The following UNC45A variants were observed in gnomAD, a reference collection of about 807,000 sequenced individuals.
The protein encoded by UNC45A is unc-45 myosin chaperone A.
Under a neutral mutation model 103.2 loss-of-function variants are expected in UNC45A, and 78 were observed. The observed-to-expected ratio is 0.76, with a 90% CI of 0.63 to 0.91. The LOEUF (loss-of-function observed/expected upper bound fraction) is 0.91, where lower values mean the gene tolerates loss of function less well. Ranked by LOEUF, UNC45A falls within the 40% of genes least tolerant of loss-of-function variation. The pLI is 0.00. For synonymous variants in UNC45A, 495 were observed against 504.6 expected (o/e 0.98, Z 0.25); for missense variants, 1,193 against 1,224.8 (o/e 0.97, Z 0.39).
chr15:90,939,886 C>A, intron 5 of UNC45A, 63 bp downstream of exon 5: 1 of 1,375,762 alleles, frequency 7.3e-7, no homozygotes, highest in Non-Finnish European at 9.5e-7. Flanking sequence ...CATAGGCCCC[C>A]GAAGCCACTG....
rs1023663434 is a variant in UNC45A at position 90,953,929 on chromosome 15, G to C, written c.*213G>C. On this transcript the variant is annotated 3_prime_UTR_variant, in exon 20 of 20. Coordinates refer to ENST00000418476, the MANE Select transcript of UNC45A (RefSeq NM_018671.5). ...AGCACTGCCTGCAGCCTCACTCAGA[G>C]GGGCCCTTTTTCTGTACTACTGTAG... is the stretch of plus-strand genomic sequence containing the variant. The C allele has an allele frequency of 4.5e-6, 3 of 662,676 alleles. No individual in the cohort carries two copies. In the Admixed American group the frequency reaches 8.9e-5, roughly 20 times the overall value. The allele number at this position is 662,676 out of a possible 1,614,324, so 41.0% of individuals were successfully genotyped here.
Position 90,943,121 on chromosome 15 carries a change from G to A in UNC45A, c.1027+39G>A, listed in dbSNP as rs188593156. The A allele has an allele frequency of 7.1e-5, 112 of 1,569,848 alleles. 2 individuals are homozygous for A. The Admixed American group carries it at 1.7e-3, about 24-fold the overall frequency. ...TTCACAAAAACTTGCTTCAGCAGCT[G>A]AAGTTTGTTTATTCTTAGGAGTAAT... On this transcript the variant is annotated intron_variant, in intron 8 of 19. Transcript: ENST00000418476.
intron 17 of UNC45A, 37 bp downstream of exon 17, chr15:90,950,652 A>G (rs760959659): frequency 6.2e-7 from 1 of 1,600,466 alleles, no homozygotes; most frequent in Non-Finnish European, 8.5e-7. Flanking sequence ...TGGACCAGGC[A>G]TCGGGATTCG....
intron 5 of UNC45A, 127 bp downstream of exon 5, chr15:90,939,950 T>A (rs917471858): frequency 1.2e-6 from 1 of 843,478 alleles, no homozygotes; most frequent in African/African-American, 1.7e-5. Context: ...GGGGCCTGGA[T>A]GGGAGCTCTG....
Position 90,940,353 on chromosome 15 carries a change from G to C in UNC45A, c.567G>C (p.Glu189Asp). The C allele has an allele frequency of 6.2e-7, 1 of 1,613,940 alleles. No homozygotes were observed. The highest frequency in any genetic ancestry group is 8.5e-7 in the Non-Finnish European group (1 of 1,179,966). Residue 189 changes from glutamate to aspartate, a missense_variant, in exon 6 of 20, where the codon GAG becomes GAC. Transcript: ENST00000418476. Reference protein sequence around the residue: ...VVLAREDAGAEKIFRSNGVQL... With the variant: ...VVLAREDAGADKIFRSNGVQL... The stretch of plus-strand genomic sequence containing the variant: ...TGGCCAGGGAGGATGCTGGAGCGGA[G>C]AAGATCTTCCGGAGTAATGGGGTTC...
chr15:90,948,001 G>C, intron 11 of UNC45A, 111 bp downstream of exon 11: 1 of 1,495,904 alleles, frequency 6.7e-7, no homozygotes, highest in Non-Finnish European at 9.2e-7. Flanking sequence ...CTCAGGCAGG[G>C]GCTGCAGTCT....
Position 90,936,367 on chromosome 15 carries a change from T to A in UNC45A, c.333T>A (p.Ala111=). ...AGAAGCTGGGCCGCCTGGACCAGGC[T>A]GTCCTTGACCTGCAGAGATGTGTGA... is the stretch of plus-strand genomic sequence containing the variant. ...ALEKLGRLDQ[A]VLDLQRCVSL... is the part of the protein sequence containing the mutation. The change falls in exon 4 of 20, where the codon GCT becomes GCA. Residue 111 remains alanine (A), a synonymous_variant. Coordinates refer to ENST00000418476, the MANE Select transcript of UNC45A (RefSeq NM_018671.5). 1 of 1,614,256 alleles carries A rather than the reference T, an allele frequency of 6.2e-7. No individual in the cohort carries two copies. The highest frequency in any genetic ancestry group is 8.5e-7 in the Non-Finnish European group (1 of 1,180,052).
At chr15:90,948,875 C>CT (rs5814443) in intron 13 of UNC45A, 81 bp downstream of exon 13, 90,470 of 972,992 alleles carry the variant, frequency 0.093, 6 homozygotes, top group Non-Finnish European at 0.1. Context: ...AACAACCTCC[C>CT]TTTTTTTTTT....
chr15:90,946,556 G>A, intron 9 of UNC45A, 58 bp from the exon 10 acceptor site: 2 of 1,500,294 alleles, frequency 1.3e-6, no homozygotes, highest in South Asian at 2.6e-5. Flanking sequence ...GGAAGGGAGG[G>A]AAGAAGAGTC....
chr15:90,934,495 T>G (rs972168250), upstream of UNC45A: 1 of 398,892 alleles, frequency 2.5e-6, no homozygotes, highest in Admixed American at 4.4e-5. Context: ...CGGGCTGAAT[T>G]TGAGGCCCTG....
intron 4 of UNC45A, 131 bp from the exon 5 acceptor site, chr15:90,939,600 T>C (rs1296608385): frequency 1.2e-6 from 1 of 846,130 alleles, no homozygotes. Flanking sequence ...CCAGGGTAGC[T>C]AGGTGCTAGC....
At chr15:90,947,729 A>C in intron 10 of UNC45A, 67 bp from the exon 11 acceptor site, 1 of 1,198,766 alleles carries the variant, frequency 8.3e-7, no homozygotes, top group Non-Finnish European at 1.2e-6. Flanking sequence ...AGTCCAAGCC[A>C]GGTGTGGAGG....
intron 10 of UNC45A, chr15:90,947,239 C>A (rs111245009): frequency 3.1e-6 from 1 of 325,662 alleles, no homozygotes. Context: ...TGAGAGACAT[C>A]GGCATGGCTC....
chr15:90,948,822 G>T, intron 13 of UNC45A, 28 bp downstream of exon 13: 1 of 1,564,098 alleles, frequency 6.4e-7, no homozygotes. Flanking sequence ...GGGCTAGAGG[G>T]TTCCCCACCA....
intron 11 of UNC45A, 57 bp from the exon 12 acceptor site, chr15:90,948,085 G>A (rs1020418078): frequency 2.6e-5 from 42 of 1,605,030 alleles, no homozygotes; most frequent in Non-Finnish European, 3.5e-5. Flanking sequence ...CTTGGCCTTG[G>A]TGTACCCCTC....
chr15:90,950,166 C>T lies in UNC45A; in HGVS notation c.2086C>T (p.Leu696=), dbSNP rs2036816802. 6.4e-7 allele frequency: 1 copy of T among 1,551,550 alleles called. No individual in the cohort carries two copies. Among genetic ancestry groups the T allele is most frequent in the African/African-American group, 1.4e-5 (1 of 73,174 alleles). The change falls in exon 16 of 20, where the codon CTG becomes TTG. Residue 696 remains leucine (L), a synonymous_variant. Transcript: ENST00000418476. ...CTTGTTCCTACAGGCGCTGATCCCG[C>T]TGGCCCTGGAAGGCACGGACGTGGG... ...AQGGGRALIP[L]ALEGTDVGQT...
chr15:90,948,833 T>A (rs749620178), intron 13 of UNC45A, 39 bp downstream of exon 13: 9 of 1,534,728 alleles, frequency 5.9e-6, no homozygotes, highest in Non-Finnish European at 7.0e-6. Flanking sequence ...TTCCCCACCA[T>A]GGGGACAGCT....
chr15:90,949,890 GC>G, intron 15 of UNC45A, 170 bp downstream of exon 15: 1 of 752,772 alleles, frequency 1.3e-6, no homozygotes, highest in Non-Finnish European at 2.2e-6. Context: ...AAGCTCCTTG[GC>G]CCCTCCACAC....
upstream of UNC45A, chr15:90,931,466 C>T (rs1285141178): frequency 5.6e-6 from 9 of 1,614,058 alleles, no homozygotes; most frequent in Non-Finnish European, 7.6e-6. Flanking sequence ...GCCTTTTCCC[C>T]ACTTCCTGGC....
Sources: gnomAD v4.1 joint callset for allele counts on GRCh38, gnomAD v4.1.1 for gene constraint, MANE v1.5 for transcripts, NCBI Gene and HGNC (gene_info 2026-07-23, HGNC 2026-07-21) for gene names.